The following RALGPS1 variants were observed in gnomAD, a reference collection of about 807,000 sequenced individuals.
The protein encoded by RALGPS1 is ras-specific guanine nucleotide-releasing factor RalGPS1.
In RALGPS1, 19 loss-of-function variants were observed where a neutral mutation model predicts 78.8. The observed-to-expected ratio is 0.24, with a 90% CI of 0.17 to 0.35. RALGPS1 has a LOEUF of 0.35. Among genes scored for constraint, RALGPS1 ranks in the 10% least tolerant of loss-of-function variants. The pLI, the probability that RALGPS1 is intolerant of heterozygous loss-of-function variation, is 1.00. For synonymous variants in RALGPS1, 228 were observed against 256.3 expected (o/e 0.89, Z 1.06); for missense variants, 454 against 688.3 (o/e 0.66, Z 3.81).
At chr9:126,945,705 T>C (rs1361192034) in intron 1 of RALGPS1, among the ~76,000 whole-genome samples, 1 of 152,088 alleles carries the variant, frequency 6.6e-6, no homozygotes. Context: ...GCACACAGGG[T>C]GTTCTTGCCA....
At chr9:127,195,256 C>T (rs370726510) in intron 12 of RALGPS1, 39 bp downstream of exon 12, 96 of 1,599,700 alleles carry the variant, frequency 6.0e-5, no homozygotes, top group Non-Finnish European at 7.9e-5. Context: ...GGCTTCAGAC[C>T]GTCCTGCACA....
At chr9:127,136,272 A>G (rs1450875531) in intron 8 of RALGPS1, among the ~76,000 whole-genome samples, 1 of 152,202 alleles carries the variant, frequency 6.6e-6, no homozygotes, top group Non-Finnish European at 1.5e-5. Flanking sequence ...CCAAAGGGGA[A>G]CCCAAATGCA....
intron 8 of RALGPS1, among the ~76,000 whole-genome samples, chr9:127,151,278 GA>G (rs915381270): frequency 1.6e-4 from 23 of 145,706 alleles, no homozygotes; most frequent in Middle Eastern, 7.0e-3. Flanking sequence ...GATTTATATG[GA>G]AAAAAAAAAA....
At chr9:127,176,091 G>A (rs2059855771) in intron 11 of RALGPS1, among the ~76,000 whole-genome samples, 1 of 152,090 alleles carries the variant, frequency 6.6e-6, no homozygotes, top group African/African-American at 2.4e-5. Context: ...CACCCCTGGG[G>A]GCCTCTGATA....
intron 1 of RALGPS1, among the ~76,000 whole-genome samples, chr9:126,958,142 A>AATAAATATATATAT (rs1554765219): frequency 2.6e-5 from 2 of 77,084 alleles, no homozygotes; most frequent in African/African-American, 4.1e-5. Context: ...AAAAAAAAAA[A>AATAAATATATATAT]ATATATATAT....
intron 14 of RALGPS1, among the ~76,000 whole-genome samples, chr9:127,209,060 G>C (rs2062091370): frequency 6.6e-6 from 1 of 152,232 alleles, no homozygotes; most frequent in African/African-American, 2.4e-5. Context: ...CAGCAGCTCA[G>C]AGCTGGAATC....
chr9:127,168,836 C>T (rs1588294646), intron 10 of RALGPS1, 64 bp downstream of exon 10: 1 of 1,366,450 alleles, frequency 7.3e-7, no homozygotes, highest in Non-Finnish European at 1.0e-6. Flanking sequence ...GTGCTCAGGT[C>T]CCTGCAAGTG....
intron 3 of RALGPS1, among the ~76,000 whole-genome samples, chr9:126,968,901 A>G (rs1002850221): frequency 1.4e-4 from 21 of 152,210 alleles, no homozygotes; most frequent in Non-Finnish European, 2.5e-4. Context: ...ATACAAAATT[A>G]ACTGGACGTG....
chr9:127,081,088 T>TAC, intron 8 of RALGPS1, among the ~76,000 whole-genome samples: 1 of 152,364 alleles, frequency 6.6e-6, no homozygotes, highest in South Asian at 2.1e-4. Flanking sequence ...TTACAGTGCC[T>TAC]ACTGCTGGAA....
intron 14 of RALGPS1, among the ~76,000 whole-genome samples, chr9:127,209,625 G>C (rs1231581638): frequency 6.6e-6 from 1 of 152,168 alleles, no homozygotes; most frequent in East Asian, 1.9e-4. Flanking sequence ...GGAGGCTCGG[G>C]GGCCTGGAGC....
chr9:126,979,176 A>G (rs1228850418), intron 4 of RALGPS1, among the ~76,000 whole-genome samples: 1 of 152,152 alleles, frequency 6.6e-6, no homozygotes, highest in East Asian at 1.9e-4. Context: ...GGAGGAAACT[A>G]GTACCACTAG....
Position 127,093,787 on chromosome 9 carries a change from G to C in RALGPS1, c.610+24431G>C, listed in dbSNP as rs746419417. On this transcript the variant is annotated intron_variant, in intron 8 of 18. Coordinates refer to ENST00000259351, the MANE Select transcript of RALGPS1 (RefSeq NM_014636.3). ...TAACAGAGCCATCCAGGCGTCTCTG[G>C]ATGACGGTCCAGCCCCCGGGGTCGT... 2 of 1,614,028 alleles carry C rather than the reference G, an allele frequency of 1.2e-6. No individual in the cohort carries two copies. Among genetic ancestry groups the C allele is most frequent in the East Asian group, 4.5e-5 (2 of 44,852 alleles).
rs2052257971 is a variant in RALGPS1, at chr9:127,089,909, G to C, written c.610+20553G>C. On this transcript the variant is annotated intron_variant, in intron 8 of 18. Transcript: ENST00000259351. ...AGGGGGGTCCCCACTTTCCTGACTG[G>C]GCCTGGCAAGGGGACCCCGTACTCA... 2.0e-5 allele frequency among the ~76,000 whole-genome samples: 3 copies of C among 152,202 alleles called. No homozygotes were observed. The South Asian group carries it at 6.2e-4, about 32-fold the overall frequency.
At chr9:126,998,500 T>C (rs972868616) in intron 4 of RALGPS1, among the ~76,000 whole-genome samples, 2 of 152,084 alleles carry the variant, frequency 1.3e-5, no homozygotes, top group African/African-American at 4.8e-5. Context: ...TGGCAATCAT[T>C]AAAAAGTCAG....
chr9:126,963,052 C>T (rs761823636), intron 2 of RALGPS1, among the ~76,000 whole-genome samples: 1 of 152,278 alleles, frequency 6.6e-6, no homozygotes, highest in Admixed American at 6.5e-5. Context: ...CAAGAAAATT[C>T]GGTGTTTTGA....
At chr9:127,028,582 G>A (rs1382018895) in intron 4 of RALGPS1, among the ~76,000 whole-genome samples, 9 of 152,168 alleles carry the variant, frequency 5.9e-5, no homozygotes, top group Admixed American at 2.6e-4. Flanking sequence ...CTGCTGTCCT[G>A]TGTGCCTCCT....
chr9:127,002,053 A>G (rs1379034867), intron 4 of RALGPS1, among the ~76,000 whole-genome samples: 1 of 152,206 alleles, frequency 6.6e-6, no homozygotes, highest in Non-Finnish European at 1.5e-5. Context: ...TTACAAAGCA[A>G]ACAAACAATG....
chr9:127,118,830 G>A (rs1263294769), intron 8 of RALGPS1, among the ~76,000 whole-genome samples: 1 of 152,244 alleles, frequency 6.6e-6, no homozygotes, highest in African/African-American at 2.4e-5. Context: ...GCCAGTTGCT[G>A]AATGTACCTG....
intron 5 of RALGPS1, among the ~76,000 whole-genome samples, chr9:127,034,820 C>T (rs1564455906): frequency 6.6e-6 from 1 of 152,178 alleles, no homozygotes; most frequent in Non-Finnish European, 1.5e-5. Flanking sequence ...CTTCTGTCCA[C>T]TCCTCCAGCC....
Sources: allele counts gnomAD v4.1 joint callset (sites outside exome capture counted in the v4.1 genomes callset), GRCh38; gene constraint gnomAD v4.1.1; transcripts MANE v1.5; gene names NCBI Gene and HGNC (gene_info 2026-07-23, HGNC 2026-07-21).